Variants in USP42 observed in about 807,000 individuals in gnomAD.
USP42 encodes the protein ubiquitin specific peptidase 42.
Under a neutral mutation model 113.0 loss-of-function variants are expected in USP42, and 23 were observed. That is an observed-to-expected ratio of 0.20 (90% CI 0.15 to 0.29). USP42 has a LOEUF of 0.29. USP42 is among the 10% of genes least tolerant of loss of function. The pLI is 1.00. For missense variants in USP42, 2,174 were observed against 1,779.8 expected (o/e 1.22, Z -3.99); for synonymous variants, 933 against 699.0 (o/e 1.33, Z -5.28).
At position 6,145,376 on chromosome 7, in the gene USP42, A is replaced by G. The variant is rs576336838; in HGVS notation, c.991-140A>G. On this transcript the variant is annotated intron_variant, in intron 9 of 17. Transcript: ENST00000306177. ...TAAATGCACTAGGTTTTTTAAATGC[A>G]TTAGGTTTTTGCTAGAATATCACAG... The G allele has an allele frequency of 5.7e-5, 55 of 965,228 alleles. No individual in the cohort carries two copies. The East Asian group carries it at 1.1e-3, about 19-fold the overall frequency. 59.8% of individuals were successfully genotyped at this position (965,228 alleles called of 1,614,324 possible).
intron 3 of USP42, among the ~76,000 whole-genome samples, chr7:6,123,784 GA>G (rs1780368657): frequency 7.1e-6 from 1 of 141,068 alleles, no homozygotes; most frequent in Non-Finnish European, 1.5e-5. Flanking sequence ...GGAGTTGAAG[GA>G]TTATGCCACT....
intron 9 of USP42, among the ~76,000 whole-genome samples, chr7:6,145,028 A>G (rs1374610302): frequency 6.6e-6 from 1 of 152,184 alleles, no homozygotes; most frequent in Non-Finnish European, 1.5e-5. Context: ...CTCCCGGTTA[A>G]CCATGCCCTT....
rs1781579969 is a variant in USP42, at chr7:6,144,199, ATG to A, written c.990+6_990+7del. ...TTACCGGTGGAAAAATTGCTAAGGT[ATG>A]TGGATGATGTCATTAATCATGTTTT... On this transcript the variant is annotated splice_donor_5th_base_variant and intron_variant, in intron 9 of 17. Transcript: ENST00000306177. The A allele has an allele frequency of 6.5e-7, 1 of 1,543,664 alleles. No individual in the cohort carries two copies.
At chr7:6,085,483 T>C in the USP42 span, among the ~76,000 whole-genome samples, 1 of 150,176 alleles carries the variant, frequency 6.7e-6, no homozygotes, top group Non-Finnish European at 1.5e-5. Flanking sequence ...ATCTTCCTCC[T>C]AGTGTTGCAC....
rs187039788 is a variant in USP42 at position 6,110,044 on chromosome 7, G to C, written c.-9-1081G>C. Among the ~76,000 whole-genome samples, 18 of 151,836 alleles carry C rather than the reference G, an allele frequency of 1.2e-4. No individual in the cohort carries two copies. The East Asian group carries it at 3.5e-3, about 30-fold the overall frequency. On this transcript the variant is annotated intron_variant, in intron 1 of 17. Transcript: ENST00000306177. ...AGACAGGGTCTCACCATGTTGGCCA[G>C]GCTGGTCTCAAACTCCTGACCTCAA... is the stretch of plus-strand genomic sequence containing the variant.
rs1444740453 is a variant in USP42, at chr7:6,124,280, T to A, written c.442+8757T>A. Among the ~76,000 whole-genome samples, 3 of 152,156 alleles carry A rather than the reference T, an allele frequency of 2.0e-5. No individual in the cohort carries two copies. In the East Asian group the frequency reaches 5.8e-4, roughly 29 times the overall value. ...ATTTAAAGTAGATTCCCTTTTTTCT[T>A]TTTTTGAGACGGATTCTCGCTCTGT... On this transcript the variant is annotated intron_variant, in intron 3 of 17. Transcript: ENST00000306177.
Position 6,154,407 on chromosome 7 carries a change from C to A in USP42, c.2853C>A (p.Gly951=). The A allele has an allele frequency of 6.3e-7, 1 of 1,577,056 alleles. No individual in the cohort carries two copies. The highest frequency in any genetic ancestry group is 2.4e-5 in the East Asian group (1 of 42,420). The change falls in exon 15 of 18, where the codon GGC becomes GGA. Residue 951 remains glycine, a synonymous_variant. Coordinates refer to ENST00000306177, the MANE Select transcript of USP42 (RefSeq NM_032172.3). ...KIGSLRKVDR[G]HYRSRRERSS... is the part of the protein sequence containing the mutation. ...GCAGCCTCAGAAAGGTGGACCGAGG[C>A]CACTACCGCAGCCGGAGAGAGCGCT...
chr7:6,105,693 CA>C (rs1471071087), intron 1 of USP42, among the ~76,000 whole-genome samples: 1 of 152,228 alleles, frequency 6.6e-6, no homozygotes, highest in Non-Finnish European at 1.5e-5. Flanking sequence ...GGCGCGTCCC[CA>C]AAAGCATGTG....
intron 3 of USP42, among the ~76,000 whole-genome samples, chr7:6,135,064 A>T (rs1322608236): frequency 1.3e-5 from 2 of 152,182 alleles, no homozygotes; most frequent in African/African-American, 4.8e-5. Context: ...TGCTGAGATG[A>T]TAGGCATGAG....
At chr7:6,095,109 A>G in the USP42 span, among the ~76,000 whole-genome samples, 1 of 151,226 alleles carries the variant, frequency 6.6e-6, no homozygotes. Flanking sequence ...TCTGTGCTAC[A>G]ATAGCTCTTA....
the USP42 span, among the ~76,000 whole-genome samples, chr7:6,087,753 C>T: frequency 6.6e-5 from 10 of 151,032 alleles, no homozygotes; most frequent in African/African-American, 2.5e-4. Context: ...TCCTTTATTC[C>T]CTTTTATTCT....
Position 6,150,155 on chromosome 7 carries a change from A to C in USP42, c.1959A>C (p.Glu653Asp). 1 of 1,613,858 alleles carries C rather than the reference A, an allele frequency of 6.2e-7. No individual in the cohort carries two copies. Among genetic ancestry groups the C allele is most frequent in the Non-Finnish European group, 8.5e-7 (1 of 1,179,828 alleles). ...AGGCCACTCCGCACGAGCTTCAAGA[A>C]CCCATGACCCTAAACGGTGCTAATA... The part of the protein sequence containing the change: ...DEEATPHELQ[E>D]PMTLNGANSA... Residue 653 changes from glutamate (E) to aspartate (D), a missense_variant, in exon 13 of 18, where the codon GAA (glutamate) becomes GAC (aspartate). Physicochemically the swap from Glu to Asp is conservative, Grantham distance 45. Transcript: ENST00000306177.
the USP42 span, among the ~76,000 whole-genome samples, chr7:6,097,735 C>T: frequency 6.0e-5 from 9 of 149,614 alleles, no homozygotes; most frequent in Admixed American, 3.3e-4. Flanking sequence ...TGACTACAGG[C>T]GGCCGCCACC....
chr7:6,092,042 TTCTTCTTCTTC>T, the USP42 span, among the ~76,000 whole-genome samples: 46 of 93,462 alleles, frequency 4.9e-4, no homozygotes, highest in South Asian at 1.1e-3. Flanking sequence ...CTTCTTCTTC[TTCTTCTTCTTC>T]TTTCTTCTTC....
rs3815216 is a variant in USP42, at chr7:6,150,495, G to A, written c.2190G>A (p.Thr730=). The A allele has an allele frequency of 9.7e-4, 1,572 of 1,613,898 alleles. 29 individuals carry two copies. The East Asian group carries it at 0.031, about 32-fold the overall frequency. The change falls in exon 14 of 18, where the codon ACG becomes ACA. Residue 730 remains threonine, a synonymous_variant. Coordinates refer to ENST00000306177, the MANE Select transcript of USP42 (RefSeq NM_032172.3). ...TTAGCAACAAACTGAAAGGCTCGAC[G>A]GATGAAATGAGGTAACGTAAGAGTA... The part of the protein sequence containing the change: ...FRLSNKLKGS[T]DEMSAPGAER...
chr7:6,156,944 C>A lies in USP42; in HGVS notation c.3832C>A (p.Pro1278Thr). ...AQFRRAQGGF[P>T]LSGGPPLEGV... ...GTTCCGGAGAGCCCAGGGTGGCTTTCCTCTCTCTGGTGGCCCGCCTCTGGA... is the reference window on the plus strand; with the variant it reads ...GTTCCGGAGAGCCCAGGGTGGCTTTACTCTCTCTGGTGGCCCGCCTCTGGA... The change falls in exon 16 of 18, where the codon CCT becomes ACT. Residue 1278 changes from proline (P) to threonine (T), a missense_variant. Physicochemically the swap from Pro to Thr is conservative, Grantham distance 38. Transcript: ENST00000306177. 6.2e-7 allele frequency: 1 copy of A among 1,613,888 alleles called. No individual in the cohort carries two copies. Among genetic ancestry groups the A allele is most frequent in the Non-Finnish European group, 8.5e-7 (1 of 1,179,840 alleles).
the USP42 span, among the ~76,000 whole-genome samples, chr7:6,095,356 T>C: frequency 1.3e-5 from 2 of 151,150 alleles, no homozygotes; most frequent in Non-Finnish European, 2.9e-5. Context: ...TTCCCCAGCA[T>C]ATAATTACGG....
the USP42 span, among the ~76,000 whole-genome samples, chr7:6,099,788 C>A: frequency 6.6e-6 from 1 of 150,602 alleles, no homozygotes; most frequent in Non-Finnish European, 1.5e-5. Flanking sequence ...TATGGTGAAA[C>A]CCCATCTCTA....
chr7:6,136,336 GA>G (rs897908863), intron 4 of USP42, among the ~76,000 whole-genome samples: 2 of 151,998 alleles, frequency 1.3e-5, no homozygotes, highest in African/African-American at 2.4e-5. Context: ...TCCAACTGGT[GA>G]AAAAAACCGA....
Sources: gnomAD v4.1 joint callset for allele counts (sites outside exome capture counted in the v4.1 genomes callset) on GRCh38, gnomAD v4.1.1 for gene constraint, MANE v1.5 for transcripts, NCBI Gene and HGNC (gene_info 2026-07-23, HGNC 2026-07-21) for gene names.